PRKN: variants seen among roughly 807,000 people sequenced by gnomAD.
PRKN encodes the protein E3 ubiquitin-protein ligase parkin.
In PRKN, 56 loss-of-function variants were observed where a neutral mutation model predicts 59.5. That is an observed-to-expected ratio of 0.94 (90% CI 0.76 to 1.18). PRKN has a LOEUF of 1.18. Among genes scored for constraint, PRKN ranks in the 50% most tolerant of loss-of-function variants. PRKN has a pLI of 0.00. For synonymous variants in PRKN, 250 were observed against 222.1 expected, an observed-to-expected ratio of 1.13 and a Z score of -1.12; for missense variants, 657 against 596.4, an observed-to-expected ratio of 1.10 and a Z score of -1.06.
At chr6:161,886,798 G>C (rs1375200761) in intron 6 of PRKN, among the ~76,000 whole-genome samples, 2 of 151,214 alleles carry the variant, frequency 1.3e-5, no homozygotes, top group African/African-American at 4.8e-5. Flanking sequence ...AATTCTAGAA[G>C]TCTCTTTTGA....
intron 5 of PRKN, among the ~76,000 whole-genome samples, chr6:162,014,540 G>A (rs530911847): frequency 6.6e-6 from 1 of 152,254 alleles, no homozygotes; most frequent in East Asian, 1.9e-4. Context: ...GTTGGGTCAC[G>A]CATGTCCGCA....
chr6:162,466,900 T>C (rs1176809963), intron 1 of PRKN, among the ~76,000 whole-genome samples: 1 of 152,150 alleles, frequency 6.6e-6, no homozygotes, highest in Non-Finnish European at 1.5e-5. Context: ...ATATATTATA[T>C]ACACTGGTTA....
chr6:162,059,140 T>C (rs1777992988), intron 4 of PRKN, among the ~76,000 whole-genome samples: 2 of 152,108 alleles, frequency 1.3e-5, no homozygotes, highest in Admixed American at 1.3e-4. Context: ...TAATAGCAAC[T>C]AAAATATTTA....
chr6:161,806,749 T>C (rs1373279072), intron 6 of PRKN, among the ~76,000 whole-genome samples: 2 of 152,202 alleles, frequency 1.3e-5, no homozygotes, highest in Non-Finnish European at 2.9e-5. Flanking sequence ...CATCTGGTAT[T>C]TGAATGTGCA....
At chr6:161,902,865 T>C (rs1306410852) in intron 6 of PRKN, among the ~76,000 whole-genome samples, 2 of 152,258 alleles carry the variant, frequency 1.3e-5, no homozygotes, top group African/African-American at 4.8e-5. Context: ...CTCATCTATG[T>C]ATTTCTTACA....
At chr6:162,560,229 A>G (rs1779778997) in intron 1 of PRKN, among the ~76,000 whole-genome samples, 1 of 152,196 alleles carries the variant, frequency 6.6e-6, no homozygotes, top group East Asian at 1.9e-4. Flanking sequence ...AAGTGCAATA[A>G]AAACCTTAGA....
chr6:161,516,218 T>C (rs1248222339), intron 9 of PRKN, among the ~76,000 whole-genome samples: 1 of 150,738 alleles, frequency 6.6e-6, no homozygotes, highest in African/African-American at 2.4e-5. Context: ...GAGGCTGAGG[T>C]GGGTGGGTCA....
In PRKN at chr6:161,975,507, T is replaced by G. The variant is rs898007550; in HGVS notation, c.619-2090A>C. On this transcript the variant is annotated intron_variant, in intron 5 of 11. Transcript: ENST00000366898. Reference sequence around the variant, plus strand: ...TATACGTTTGACAGCAACATTTGATTTCTTCTTTTCCTGTTTATAATTTAC... The same window carrying G: ...TATACGTTTGACAGCAACATTTGATGTCTTCTTTTCCTGTTTATAATTTAC... Among the ~76,000 whole-genome samples, 19 of 152,318 alleles carry G rather than the reference T, an allele frequency of 1.2e-4. No homozygotes were observed. In the South Asian group the frequency reaches 1.9e-3, roughly 15 times the overall value.
chr6:162,440,548 AG>A (rs1375145650), intron 2 of PRKN, among the ~76,000 whole-genome samples: 1 of 152,148 alleles, frequency 6.6e-6, no homozygotes, highest in Non-Finnish European at 1.5e-5. Flanking sequence ...AATTATTGAC[AG>A]GGTCTTCTTT....
chr6:161,671,245 G>T (rs568695233), intron 7 of PRKN, among the ~76,000 whole-genome samples: 1 of 152,138 alleles, frequency 6.6e-6, no homozygotes, highest in Non-Finnish European at 1.5e-5. Context: ...ATAGGCAGCA[G>T]TGCACCTCCT....
chr6:161,822,047 C>T (rs374846380), intron 6 of PRKN, among the ~76,000 whole-genome samples: 2 of 152,054 alleles, frequency 1.3e-5, no homozygotes, highest in East Asian at 3.9e-4. Flanking sequence ...TTTTAAGTTG[C>T]TTGGCTATTG....
intron 1 of PRKN, among the ~76,000 whole-genome samples, chr6:162,607,207 G>A (rs1265338917): frequency 1.3e-5 from 2 of 152,154 alleles, no homozygotes; most frequent in Non-Finnish European, 2.9e-5. Flanking sequence ...TTTGGATACT[G>A]CTAGTTATGA....
At chr6:162,546,148 G>C (rs1263164202) in intron 1 of PRKN, among the ~76,000 whole-genome samples, 2 of 135,074 alleles carry the variant, frequency 1.5e-5, no homozygotes, top group African/African-American at 6.0e-5. Context: ...CTGTTGCTCA[G>C]GCTGGAGTGC....
chr6:162,712,279 T>C (rs1393817840), intron 1 of PRKN, among the ~76,000 whole-genome samples: 1 of 152,218 alleles, frequency 6.6e-6, no homozygotes, highest in African/African-American at 2.4e-5. Flanking sequence ...CAAGACTGCA[T>C]TGTCCTGACT....
chr6:162,361,353 T>G (rs1488728478), intron 2 of PRKN, among the ~76,000 whole-genome samples: 2 of 151,750 alleles, frequency 1.3e-5, no homozygotes, highest in South Asian at 2.1e-4. Context: ...TAGGGTTAGA[T>G]GAGGTCACGA....
rs1781242753 is a variant in PRKN at position 161,579,097 on chromosome 6, T to G, written c.872-9681A>C. On this transcript the variant is annotated intron_variant, in intron 7 of 11. Coordinates refer to ENST00000366898, the MANE Select transcript of PRKN (RefSeq NM_004562.3). This position sits in a 1 kb window ranked among gnomAD's most constrained non-coding sequence, Gnocchi z 4.2. ...TTATCCATTATTTTCTTTCTCCTGC[T>G]GCTCTCAAAAGTTTGTCCTTGGTTG... Among the ~76,000 whole-genome samples, 1 of 152,224 alleles carries G rather than the reference T, an allele frequency of 6.6e-6. No individual in the cohort carries two copies. The highest frequency in any genetic ancestry group is 2.1e-4 in the South Asian group (1 of 4,836).
intron 6 of PRKN, among the ~76,000 whole-genome samples, chr6:161,870,025 C>T (rs1046793186): frequency 6.6e-6 from 1 of 152,008 alleles, no homozygotes; most frequent in Non-Finnish European, 1.5e-5. Flanking sequence ...TATGTACCAA[C>T]AAAACAAAAT....
At chr6:162,523,507 A>G (rs548095827) in intron 1 of PRKN, among the ~76,000 whole-genome samples, 3 of 152,054 alleles carry the variant, frequency 2.0e-5, no homozygotes, top group Non-Finnish European at 2.9e-5. Flanking sequence ...TCTACTAAAA[A>G]TACAAAAATT....
At chr6:161,509,922 A>T (rs918028399) in intron 9 of PRKN, among the ~76,000 whole-genome samples, 47 of 150,400 alleles carry the variant, frequency 3.1e-4, no homozygotes, top group African/African-American at 1.1e-3. Context: ...ACAAATCGAT[A>T]TTTTAAATTT....
Sources: allele counts gnomAD v4.1 joint callset (sites outside exome capture counted in the v4.1 genomes callset), GRCh38; gene constraint gnomAD v4.1.1; non-coding constraint Gnocchi (gnomAD v3.1); transcripts MANE v1.5; gene names NCBI Gene and HGNC (gene_info 2026-07-23, HGNC 2026-07-21).